SCHIP1: variants seen among roughly 807,000 people sequenced by gnomAD.
SCHIP1 encodes the protein schwannomin-interacting protein 1.
Under a neutral mutation model 29.7 loss-of-function variants are expected in SCHIP1, and 8 were observed. That is an observed-to-expected ratio of 0.27 (90% CI 0.16 to 0.49). The LOEUF (loss-of-function observed/expected upper bound fraction) is 0.49. Ranked by LOEUF, SCHIP1 falls within the 20% of genes least tolerant of loss-of-function variation. SCHIP1 has a pLI of 0.99. For missense variants in SCHIP1, 193 were observed against 294.6 expected (o/e 0.66, Z 2.52); for synonymous variants, 76 against 94.9 (o/e 0.80, Z 1.16).
chr3:159,600,790 CA>C, the SCHIP1 span, among the ~76,000 whole-genome samples: 1 of 152,194 alleles, frequency 6.6e-6, no homozygotes, highest in Non-Finnish European at 1.5e-5. Context: ...TCTGGTTTAA[CA>C]ATCACATCTC....
the SCHIP1 span, among the ~76,000 whole-genome samples, chr3:159,614,571 G>A: frequency 1.3e-5 from 2 of 151,966 alleles, no homozygotes; most frequent in East Asian, 3.9e-4. Context: ...GAGGAGTGAT[G>A]GAATAACACC....
At chr3:159,819,249 G>A in the SCHIP1 span, among the ~76,000 whole-genome samples, 5 of 152,148 alleles carry the variant, frequency 3.3e-5, no homozygotes, top group African/African-American at 1.2e-4. Context: ...GGGGGAGAGA[G>A]AGAGAGGAAG....
At chr3:159,819,242 GGAGA>G in the SCHIP1 span, among the ~76,000 whole-genome samples, 1 of 151,632 alleles carries the variant, frequency 6.6e-6, no homozygotes, top group Non-Finnish European at 1.5e-5. Context: ...GGAGCTTGGG[GGAGA>G]GAGAGAGAGG....
the SCHIP1 span, among the ~76,000 whole-genome samples, chr3:159,406,361 T>G: frequency 6.6e-6 from 1 of 152,146 alleles, no homozygotes; most frequent in African/African-American, 2.4e-5. Context: ...CAAAAACTTT[T>G]ATCCTAGAAT....
At chr3:159,702,926 G>A in the SCHIP1 span, among the ~76,000 whole-genome samples, 1 of 152,198 alleles carries the variant, frequency 6.6e-6, no homozygotes, top group African/African-American at 2.4e-5. Flanking sequence ...TCAGTTAAAA[G>A]GTCAATGATA....
the SCHIP1 span, among the ~76,000 whole-genome samples, chr3:159,566,799 G>C: frequency 6.6e-6 from 1 of 152,158 alleles, no homozygotes; most frequent in Non-Finnish European, 1.5e-5. Flanking sequence ...GCAGACCAGA[G>C]AGTGCCGTAC....
At chr3:159,603,648 G>A in the SCHIP1 span, among the ~76,000 whole-genome samples, 1 of 152,162 alleles carries the variant, frequency 6.6e-6, no homozygotes, top group African/African-American at 2.4e-5. Context: ...AAAGTATCCT[G>A]TTTTAAGGAA....
At chr3:159,856,012 A>G (rs1255144142) in intron 1 of SCHIP1, among the ~76,000 whole-genome samples, 2 of 152,210 alleles carry the variant, frequency 1.3e-5, no homozygotes, top group African/African-American at 4.8e-5. Flanking sequence ...ACTGCCCTCA[A>G]CAGAAAACAT....
the SCHIP1 span, among the ~76,000 whole-genome samples, chr3:159,378,353 T>C: frequency 8.9e-4 from 135 of 152,300 alleles, 2 homozygotes; most frequent in Non-Finnish European, 1.3e-3. Flanking sequence ...GAATAATTTC[T>C]TTATGAGGGT....
chr3:159,701,864 C>G, the SCHIP1 span, among the ~76,000 whole-genome samples: 2 of 152,014 alleles, frequency 1.3e-5, no homozygotes, highest in African/African-American at 4.8e-5. Context: ...AGACTTCAAG[C>G]AATATGAGTC....
At chr3:159,657,220 A>G in the SCHIP1 span, among the ~76,000 whole-genome samples, 2 of 152,192 alleles carry the variant, frequency 1.3e-5, no homozygotes, top group African/African-American at 4.8e-5. Context: ...TCCAACAGAG[A>G]TGGTGCTAAC....
chr3:159,328,534 A>AC, the SCHIP1 span, among the ~76,000 whole-genome samples: 32,475 of 152,076 alleles, frequency 0.21, 3,575 homozygotes, highest in Middle Eastern at 0.29. Flanking sequence ...GTCTTAAAAG[A>AC]TATGTAGTTT....
the SCHIP1 span, among the ~76,000 whole-genome samples, chr3:159,726,023 G>C: frequency 6.6e-6 from 1 of 152,120 alleles, no homozygotes; most frequent in African/African-American, 2.4e-5. Flanking sequence ...CTGAGTAATA[G>C]TATTACTTTT....
chr3:159,796,703 A>G, the SCHIP1 span, among the ~76,000 whole-genome samples: 2 of 126,850 alleles, frequency 1.6e-5, no homozygotes, highest in South Asian at 2.9e-4. Flanking sequence ...TCTTACAGCA[A>G]AGTACTGACC....
At chr3:159,588,699 C>T in the SCHIP1 span, among the ~76,000 whole-genome samples, 25 of 152,336 alleles carry the variant, frequency 1.6e-4, no homozygotes, top group African/African-American at 6.0e-4. Flanking sequence ...CCAGTTTTCC[C>T]AGCACCATTT....
At chr3:159,290,133 A>T in the SCHIP1 span, among the ~76,000 whole-genome samples, 2 of 152,234 alleles carry the variant, frequency 1.3e-5, no homozygotes, top group Non-Finnish European at 2.9e-5. Flanking sequence ...CATCGAAGAC[A>T]ACTAAAAAAA....
chr3:159,448,530 G>A, the SCHIP1 span, among the ~76,000 whole-genome samples: 1 of 152,102 alleles, frequency 6.6e-6, no homozygotes, highest in Non-Finnish European at 1.5e-5. Flanking sequence ...GGTTGGTAGA[G>A]TATGTCTGAT....
chr3:159,386,424 G>A, the SCHIP1 span, among the ~76,000 whole-genome samples: 7 of 152,184 alleles, frequency 4.6e-5, no homozygotes, highest in African/African-American at 1.4e-4. Context: ...GTGGATACAC[G>A]CTCATGGATA....
chr3:159,670,594 GTA>G, the SCHIP1 span, among the ~76,000 whole-genome samples: 1 of 152,022 alleles, frequency 6.6e-6, no homozygotes, highest in African/African-American at 2.4e-5. Flanking sequence ...TACTAAATCA[GTA>G]TATGTCAGAT....
Sources: allele counts gnomAD v4.1 joint callset (sites outside exome capture counted in the v4.1 genomes callset), GRCh38; gene constraint gnomAD v4.1.1; transcripts MANE v1.5; gene names NCBI Gene and HGNC (gene_info 2026-07-23, HGNC 2026-07-21).